ORC4: variants seen among roughly 807,000 people sequenced by gnomAD.
ORC4 encodes origin recognition complex subunit 4.
Under a neutral mutation model 63.9 loss-of-function variants are expected in ORC4, and 55 were observed. The observed-to-expected ratio is 0.86, with a 90% CI of 0.69 to 1.08. ORC4 has a LOEUF of 1.08. Ranked by LOEUF, ORC4 falls within the 50% of genes least tolerant of loss-of-function variation. The pLI, the probability that ORC4 is intolerant of heterozygous loss-of-function variation, is 0.00. For missense variants in ORC4, 511 were observed against 504.4 expected (o/e 1.01, Z -0.13); for synonymous variants, 150 against 168.5 (o/e 0.89, Z 0.85).
At chr2:148,005,286 C>T (rs1399552096) in intron 1 of ORC4, among the ~76,000 whole-genome samples, 1 of 152,104 alleles carries the variant, frequency 6.6e-6, no homozygotes. Context: ...AACCATTATT[C>T]TCAGCAAACT....
chr2:147,947,574 C>A (rs1050312125), intron 9 of ORC4: 1 of 152,708 alleles, frequency 6.5e-6, no homozygotes, highest in African/African-American at 2.4e-5. Context: ...GATAATATAA[C>A]TGGAGGTGCC....
intron 1 of ORC4, among the ~76,000 whole-genome samples, chr2:148,010,546 T>C (rs1264237475): frequency 6.6e-6 from 1 of 152,060 alleles, no homozygotes; most frequent in East Asian, 1.9e-4. Context: ...AAAGGATCAT[T>C]GGAGACCATT....
chr2:147,988,084 T>A (rs763406610), intron 1 of ORC4, among the ~76,000 whole-genome samples: 11 of 151,206 alleles, frequency 7.3e-5, no homozygotes, highest in Non-Finnish European at 1.2e-4. Flanking sequence ...TATTGTAATA[T>A]GTTTACCTAT....
At chr2:148,006,294 C>T (rs1692624548) in intron 1 of ORC4, among the ~76,000 whole-genome samples, 1 of 121,290 alleles carries the variant, frequency 8.2e-6, no homozygotes. Context: ...TAGTCCTGGG[C>T]CAGAGAGAAA....
intron 4 of ORC4, chr2:147,960,225 C>G (rs1029001363): frequency 5.1e-6 from 5 of 982,672 alleles, no homozygotes; most frequent in Non-Finnish European, 6.0e-6. Context: ...TTATAGCTTT[C>G]TTTCCACTCA....
intron 10 of ORC4, among the ~76,000 whole-genome samples, chr2:147,941,524 T>C (rs1405580077): frequency 6.6e-6 from 1 of 152,026 alleles, no homozygotes; most frequent in African/African-American, 2.4e-5. Flanking sequence ...AGTATTTCTC[T>C]GGTTACTGGA....
chr2:147,995,990 AC>A (rs1003262245), intron 1 of ORC4, among the ~76,000 whole-genome samples: 1 of 146,546 alleles, frequency 6.8e-6, no homozygotes, highest in Non-Finnish European at 1.5e-5. Context: ...ACAGAGCAAG[AC>A]TCCATCTCAA....
At chr2:148,000,346 C>T (rs1343904400) in intron 1 of ORC4, among the ~76,000 whole-genome samples, 2 of 152,016 alleles carry the variant, frequency 1.3e-5, no homozygotes, top group Non-Finnish European at 2.9e-5. Flanking sequence ...TATAATCTTC[C>T]ACAGAGGAGA....
intron 1 of ORC4, among the ~76,000 whole-genome samples, chr2:147,999,679 G>T (rs940429798): frequency 1.3e-5 from 2 of 151,972 alleles, no homozygotes; most frequent in African/African-American, 2.4e-5. Flanking sequence ...CTAGAAAAAA[G>T]GTTTCCAAAC....
chr2:147,939,285 T>C, intron 10 of ORC4, 37 bp from the exon 11 acceptor site: 1 of 1,309,384 alleles, frequency 7.6e-7, no homozygotes, highest in Non-Finnish European at 1.1e-6. Context: ...ATTACGTATT[T>C]ACATGGGCAT....
chr2:147,941,900 T>G (rs1013382475), intron 10 of ORC4, among the ~76,000 whole-genome samples: 1 of 151,954 alleles, frequency 6.6e-6, no homozygotes, highest in Non-Finnish European at 1.5e-5. Flanking sequence ...TAAATAGGGA[T>G]AAAAAGACTT....
intron 6 of ORC4, among the ~76,000 whole-genome samples, chr2:147,956,550 C>A (rs781632272): frequency 3.9e-5 from 6 of 152,054 alleles, no homozygotes; most frequent in Non-Finnish European, 8.8e-5. Context: ...TGTCCAGGCT[C>A]TGCCATTTTA....
At chr2:147,936,023 T>C (rs1573737583) in intron 13 of ORC4, among the ~76,000 whole-genome samples, 1 of 152,322 alleles carries the variant, frequency 6.6e-6, no homozygotes, top group Non-Finnish European at 1.5e-5. Flanking sequence ...ATAAATAGTT[T>C]CCAGTTCTCT....
chr2:147,935,517 CA>C lies in ORC4; in HGVS notation c.1303del (p.Trp435GlyfsTer7), dbSNP rs1344682621. Reference sequence around the variant, plus strand: ...TGAAGTCACTGGTTATATTCATAACCAGCTTAGTGAGGATGTTGCCCACTGC... The same window carrying C: ...TGAAGTCACTGGTTATATTCATAACCGCTTAGTGAGGATGTTGCCCACTGC... The part of the protein sequence containing the change: ...VRQWATSSLS[W>X]L On this transcript the variant is annotated frameshift_variant, in exon 14 of 14. Transcript: ENST00000392857. LOFTEE classifies it high-confidence loss of function. 6.2e-7 allele frequency: 1 copy of C among 1,612,420 alleles called. No individual in the cohort carries two copies. The highest frequency in any genetic ancestry group is 1.7e-5 in the Admixed American group (1 of 59,966).
At chr2:147,992,728 A>C (rs926098478) in intron 1 of ORC4, among the ~76,000 whole-genome samples, 1 of 152,164 alleles carries the variant, frequency 6.6e-6, no homozygotes, top group Non-Finnish European at 1.5e-5. Context: ...ATGATACTCC[A>C]AAATAAAGTC....
intron 1 of ORC4, among the ~76,000 whole-genome samples, chr2:148,011,452 T>C (rs1467051135): frequency 6.6e-6 from 1 of 152,090 alleles, no homozygotes; most frequent in Non-Finnish European, 1.5e-5. Flanking sequence ...CTCAGCAAAC[T>C]GGGGACAGAA....
In ORC4 at chr2:147,931,641, G is replaced by C. The variant is rs1473798287; in HGVS notation, c.*3869C>G. The C allele has an allele frequency of 6.6e-6, 1 of 152,144 alleles. No homozygotes were observed. Among genetic ancestry groups the C allele is most frequent in the Admixed American group, 6.6e-5 (1 of 15,256 alleles). 9.4% of individuals were successfully genotyped at this position (152,144 alleles called of 1,614,324 possible). On this transcript the variant is annotated 3_prime_UTR_variant, in exon 14 of 14. Transcript: ENST00000392857. ...GTGGGCTTCATCCCTGGGATGCAAG[G>C]CTGGTTCAATATACGCAAATCAATG...
At chr2:148,005,483 T>C (rs771785440) in intron 1 of ORC4, among the ~76,000 whole-genome samples, 1 of 151,802 alleles carries the variant, frequency 6.6e-6, no homozygotes, top group African/African-American at 2.4e-5. Context: ...TGTATACCTA[T>C]GTAACAAACC....
intron 4 of ORC4, among the ~76,000 whole-genome samples, chr2:147,963,087 C>T (rs545058411): frequency 2.0e-5 from 3 of 152,298 alleles, no homozygotes; most frequent in African/African-American, 7.2e-5. Context: ...CCAAACCTGA[C>T]AAACAGCACA....
Sources: gnomAD v4.1 joint callset for allele counts (sites outside exome capture counted in the v4.1 genomes callset) on GRCh38, gnomAD v4.1.1 for gene constraint, MANE v1.5 for transcripts, NCBI Gene and HGNC (gene_info 2026-07-23, HGNC 2026-07-21) for gene names.